TSHZ3: variants seen among roughly 807,000 people sequenced by gnomAD.
TSHZ3 encodes teashirt zinc finger homeobox 3, also known as teashirt homolog 3.
A neutral mutation model predicts 64.5 loss-of-function variants in TSHZ3; 10 were observed. The observed-to-expected ratio is 0.16, with a 90% CI of 0.10 to 0.26. The LOEUF (loss-of-function observed/expected upper bound fraction) is 0.26, where lower values mean the gene tolerates loss of function less well. Ranked by LOEUF, TSHZ3 falls within the 10% of genes least tolerant of loss-of-function variation. The pLI, the probability that TSHZ3 is intolerant of heterozygous loss-of-function variation, is 1.00. For missense variants in TSHZ3, 1,242 were observed against 1,421.7 expected, an observed-to-expected ratio of 0.87 and a Z score of 2.03; for synonymous variants, 608 against 593.1, an observed-to-expected ratio of 1.03 and a Z score of -0.36.
chr19:31,155,208 C>G (rs1014491266), intron 6 of TSHZ3, among the ~76,000 whole-genome samples: 41 of 152,216 alleles, frequency 2.7e-4, no homozygotes, highest in African/African-American at 9.9e-4. Context: ...AGACGTGATC[C>G]CATGCTCTCC....
At chr19:31,282,915 G>T (rs531447168) in intron 1 of TSHZ3, among the ~76,000 whole-genome samples, 1 of 152,184 alleles carries the variant, frequency 6.6e-6, no homozygotes, top group Admixed American at 6.5e-5. Flanking sequence ...GCACACCCTC[G>T]TGGCTGTGAC....
intron 5 of TSHZ3, among the ~76,000 whole-genome samples, chr19:31,199,278 C>T (rs1445690259): frequency 1.3e-5 from 2 of 151,496 alleles, no homozygotes; most frequent in African/African-American, 2.4e-5. Flanking sequence ...GTGGCGGGCG[C>T]CTGTAGTCCC....
At chr19:31,306,139 C>T (rs1248555774) in intron 1 of TSHZ3, among the ~76,000 whole-genome samples, 2 of 152,154 alleles carry the variant, frequency 1.3e-5, no homozygotes, top group African/African-American at 2.4e-5. Flanking sequence ...CACGAGACGA[C>T]GGCACACCCA....
intron 5 of TSHZ3, among the ~76,000 whole-genome samples, chr19:31,202,137 G>C (rs1431798783): frequency 6.6e-6 from 1 of 152,016 alleles, no homozygotes; most frequent in Non-Finnish European, 1.5e-5. Flanking sequence ...TTGCACTCTG[G>C]CCTGGGCAAC....
intron 1 of TSHZ3, among the ~76,000 whole-genome samples, chr19:31,322,097 T>A (rs1329779360): frequency 6.6e-6 from 1 of 152,218 alleles, no homozygotes; most frequent in Non-Finnish European, 1.5e-5. Flanking sequence ...TTTCTGTTCT[T>A]GTGTTAGTTT....
chr19:31,340,426 C>T (rs2145195874), intron 1 of TSHZ3, among the ~76,000 whole-genome samples: 1 of 150,214 alleles, frequency 6.7e-6, no homozygotes, highest in South Asian at 2.1e-4. Context: ...CCCCTCCCGC[C>T]TGAAAAAAAA....
chr19:31,312,727 T>C (rs1237025021), intron 1 of TSHZ3, among the ~76,000 whole-genome samples: 1 of 152,126 alleles, frequency 6.6e-6, no homozygotes, highest in Non-Finnish European at 1.5e-5. Context: ...GGTAATAAAT[T>C]ACTCCCTTGT....
At chr19:31,338,989 A>G (rs542917576) in intron 1 of TSHZ3, among the ~76,000 whole-genome samples, 2 of 152,168 alleles carry the variant, frequency 1.3e-5, no homozygotes, top group East Asian at 3.9e-4. Context: ...CTCAAGTTAC[A>G]GGTTTACACG....
At chr19:31,271,056 C>T (rs1287309514), downstream of TSHZ3, among the ~76,000 whole-genome samples, 2 of 152,276 alleles carry the variant, frequency 1.3e-5, no homozygotes, top group East Asian at 3.9e-4. Context: ...TCTAAGTTAC[C>T]CCTGGTGTCC....
At chr19:31,274,084 G>C (rs963336683), downstream of TSHZ3, among the ~76,000 whole-genome samples, 6 of 151,988 alleles carry the variant, frequency 3.9e-5, no homozygotes, top group African/African-American at 1.5e-4. Context: ...AAAAACCGTA[G>C]GCGTGTTGCC....
At chr19:31,229,631 C>A (rs967352809) in intron 3 of TSHZ3, among the ~76,000 whole-genome samples, 20 of 152,100 alleles carry the variant, frequency 1.3e-4, no homozygotes, top group African/African-American at 4.6e-4. Context: ...TGAAATTGAT[C>A]ACATGTAAAT....
Position 31,178,636 on chromosome 19 carries a change from G to T in TSHZ3, n.810-22219C>A, listed in dbSNP as rs372530613. Among the ~76,000 whole-genome samples, 7 of 152,280 alleles carry T rather than the reference G, an allele frequency of 4.6e-5. No homozygotes were observed. In the South Asian group the frequency reaches 1.5e-3, roughly 32 times the overall value. On this transcript the variant is annotated intron_variant and non_coding_transcript_variant, in intron 5 of 6. Transcript: ENST00000651361. Reference sequence around the variant, plus strand: ...GGAGGTTGTAGTGAGCCAAGATCGCGCCATTGCACTCCAGCCTGGGCGACA... The same window carrying T: ...GGAGGTTGTAGTGAGCCAAGATCGCTCCATTGCACTCCAGCCTGGGCGACA...
chr19:31,337,013 A>ATT (rs57786560), intron 1 of TSHZ3, among the ~76,000 whole-genome samples: 35,936 of 131,252 alleles, frequency 0.27, 5,868 homozygotes, highest in Non-Finnish European at 0.37. Context: ...CTTTTTTTCT[A>ATT]TTTTTTTTTT....
intron 5 of TSHZ3, among the ~76,000 whole-genome samples, chr19:31,201,167 TTACTC>T (rs1334572249): frequency 2.0e-5 from 3 of 152,156 alleles, no homozygotes; most frequent in African/African-American, 7.2e-5. Flanking sequence ...TAACAGAAAA[TTACTC>T]TACAGGTAGG....
At chr19:31,202,080 C>T (rs1283861218) in intron 5 of TSHZ3, among the ~76,000 whole-genome samples, 1 of 151,978 alleles carries the variant, frequency 6.6e-6, no homozygotes, top group Non-Finnish European at 1.5e-5. Context: ...GCAGGAGAAT[C>T]GCTTGAATTC....
intron 1 of TSHZ3, among the ~76,000 whole-genome samples, chr19:31,338,187 C>A (rs138987093): frequency 6.6e-6 from 1 of 152,182 alleles, no homozygotes; most frequent in Non-Finnish European, 1.5e-5. Flanking sequence ...AGAGCTTCAC[C>A]GACTCCTCAG....
chr19:31,190,867 T>TA (rs922637077), intron 5 of TSHZ3, among the ~76,000 whole-genome samples: 9 of 133,764 alleles, frequency 6.7e-5, no homozygotes, highest in Admixed American at 2.4e-4. Flanking sequence ...AAAAGCTATT[T>TA]AAAAAAAATA....
intron 1 of TSHZ3, among the ~76,000 whole-genome samples, chr19:31,286,633 T>C (rs2145124367): frequency 6.6e-6 from 1 of 152,350 alleles, no homozygotes; most frequent in East Asian, 1.9e-4. Flanking sequence ...ATGGGGCATT[T>C]GCCTGAACTC....
intron 4 of TSHZ3, among the ~76,000 whole-genome samples, chr19:31,227,833 A>G (rs1267970226): frequency 6.6e-6 from 1 of 152,160 alleles, no homozygotes; most frequent in East Asian, 1.9e-4. Context: ...AATCTCAGCA[A>G]CCATCCAGTT....
Sources: gnomAD v4.1 joint callset for allele counts (sites outside exome capture counted in the v4.1 genomes callset) on GRCh38, gnomAD v4.1.1 for gene constraint, MANE v1.5 for transcripts, NCBI Gene and HGNC (gene_info 2026-07-23, HGNC 2026-07-21) for gene names.